The following A2M variants were observed in gnomAD, a reference collection of about 807,000 sequenced individuals.
The protein encoded by A2M is C3 and PZP-like alpha-2-macroglobulin domain-containing protein 5.
Under a neutral mutation model 183.9 loss-of-function variants are expected in A2M, and 128 were observed. That is an observed-to-expected ratio of 0.70 (90% CI 0.60 to 0.81). The LOEUF is 0.81. A2M is among the 30% of genes least tolerant of loss of function. The pLI is 0.00. For synonymous variants in A2M, 592 were observed against 670.8 expected (o/e 0.88, Z 1.81); for missense variants, 1,495 against 1,787.6 (o/e 0.84, Z 2.95).
At position 9,094,987 on chromosome 12, in the gene A2M, CG is replaced by C; in HGVS notation, c.2110del (p.Arg704ValfsTer2). The stretch of plus-strand genomic sequence containing the variant: ...TTTTTGTTTACCATAAAAACCTACA[CG>C]TAGACCTTCAGGTCCATGCATTTCA... ...QYEMHGPEGLRVGFYESDVMG... is the reference protein window; with the variant it reads ...QYEMHGPEGLXVGFYESDVMG... On this transcript the variant is annotated frameshift_variant, in exon 17 of 36. Transcript: ENST00000318602. LOFTEE classifies it high-confidence loss of function. 2 of 1,562,758 alleles carry C rather than the reference CG, an allele frequency of 1.3e-6. No individual in the cohort carries two copies. The highest frequency in any genetic ancestry group is 1.7e-6 in the Non-Finnish European group (2 of 1,153,308).
chr12:9,101,292 C>T (rs1937825867), intron 12 of A2M, 85 bp from the exon 13 acceptor site: 2 of 1,430,804 alleles, frequency 1.4e-6, no homozygotes, highest in African/African-American at 1.4e-5. Context: ...TTTATTGAGT[C>T]CCTGCCGGCA....
chr12:9,070,643 T>TC, intron 31 of A2M, 65 bp from the exon 32 acceptor site: 1 of 1,137,482 alleles, frequency 8.8e-7, no homozygotes, highest in South Asian at 1.4e-5. Context: ...TTCTTCTATG[T>TC]CCATGTTAAG....
chr12:9,098,463 T>A, intron 15 of A2M, 144 bp downstream of exon 15: 1 of 706,872 alleles, frequency 1.4e-6, no homozygotes, highest in South Asian at 3.6e-5. Context: ...TCCTTACCAA[T>A]GAAAGCCCAC....
Position 9,079,406 on chromosome 12 carries a change from CT to C in A2M, c.3032-76del, listed in dbSNP as rs1948840628. ...AGGGTGGAGAAATTACTAAAAGTAC[CT>C]TGGCTTCTCTTGTGACATTTCTTAA... On this transcript the variant is annotated intron_variant, in intron 24 of 35. Coordinates refer to ENST00000318602, the MANE Select transcript of A2M (RefSeq NM_000014.6). 52 of 1,399,168 alleles carry C rather than the reference CT, an allele frequency of 3.7e-5. No homozygotes were observed. In the South Asian group the frequency reaches 5.9e-4, roughly 16 times the overall value. The allele number at this position is 1,399,168 out of a possible 1,614,324, so 86.7% of individuals were successfully genotyped here.
intron 22 of A2M, among the ~76,000 whole-genome samples, chr12:9,081,394 A>T (rs988997975): frequency 6.6e-6 from 1 of 152,208 alleles, no homozygotes; most frequent in African/African-American, 2.4e-5. Context: ...GCATTTAGGT[A>T]ATAAAGAGGA....
Position 9,070,587 on chromosome 12 carries a change from C to A in A2M, c.4104-9G>T, listed in dbSNP as rs1176432690. On this transcript the variant is annotated splice_polypyrimidine_tract_variant and intron_variant, in intron 31 of 35. Coordinates refer to ENST00000318602, the MANE Select transcript of A2M (RefSeq NM_000014.6). The stretch of plus-strand genomic sequence containing the variant: ...AGCGGCTCCCTGTGTAACTGAGGAT[C>A]CAGGGGAGGAAAGGATTAGGGTTTT... 3.7e-6 allele frequency: 6 copies of A among 1,600,118 alleles called. No homozygotes were observed. Among genetic ancestry groups the A allele is most frequent in the Non-Finnish European group, 5.1e-6 (6 of 1,168,930 alleles).
chr12:9,090,163 G>A (rs1026654855), intron 20 of A2M, 140 bp from the exon 21 acceptor site: 6 of 1,368,676 alleles, frequency 4.4e-6, no homozygotes, highest in Non-Finnish European at 5.0e-6. Context: ...ATGCAAATGA[G>A]AGGTGAATGA....
intron 8 of A2M, among the ~76,000 whole-genome samples, chr12:9,107,276 G>C (rs1938365644): frequency 6.6e-6 from 1 of 152,146 alleles, no homozygotes; most frequent in Admixed American, 6.5e-5. Context: ...TTCCTTTGTA[G>C]AAGTGAATGC....
In A2M at chr12:9,109,423, AG is replaced by A. The variant is rs748329294; in HGVS notation, c.674-19del. The A allele has an allele frequency of 5.9e-5, 94 of 1,598,382 alleles. No individual in the cohort carries two copies. The Admixed American group carries it at 7.0e-4, about 12-fold the overall frequency. ...GGGAAGAACTGTTGATTGGTGATAAAGAAGGTTGGTGATTGGTTTTCAACTT... is the reference window on the plus strand; with the variant it reads ...GGGAAGAACTGTTGATTGGTGATAAAAAGGTTGGTGATTGGTTTTCAACTT... On this transcript the variant is annotated intron_variant, in intron 6 of 35. Coordinates refer to ENST00000318602, the MANE Select transcript of A2M (RefSeq NM_000014.6).
At chr12:9,093,233 TTAGGTGTGCTTGCTATGCACACAAAAA>T (rs1457010229) in intron 18 of A2M, among the ~76,000 whole-genome samples, 1 of 152,152 alleles carries the variant, frequency 6.6e-6, no homozygotes, top group East Asian at 1.9e-4. Context: ...AGGATAGATT[TTAGGTGTGCTTGCTATGCACACAAAAA>T]TAGGTAACAA....
Position 9,070,573 on chromosome 12 carries a change from G to A in A2M, c.4109C>T (p.Thr1370Ile). 6.2e-7 allele frequency: 1 copy of A among 1,611,758 alleles called. No homozygotes were observed. Among genetic ancestry groups the A allele is most frequent in the Non-Finnish European group, 8.5e-7 (1 of 1,178,356 alleles). Residue 1370 changes from threonine to isoleucine, a missense_variant, in exon 32 of 36, where the codon ACA becomes ATA. Coordinates refer to ENST00000318602, the MANE Select transcript of A2M (RefSeq NM_000014.6). ...CATGTTGGAGGCAGAGCGGCTCCCT[G>A]TGTAACTGAGGATCCAGGGGAGGAA... ...SFQISLSVSYTGSRSASNMAI... is the reference protein window; with the variant it reads ...SFQISLSVSYIGSRSASNMAI...
At position 9,095,917 on chromosome 12, in the gene A2M, G is replaced by A. The variant is rs532493145; in HGVS notation, c.1852-217C>T. Among the ~76,000 whole-genome samples the A allele has an allele frequency of 9.2e-3, 1,390 of 150,878 alleles. 20 individuals are homozygous for A. Among genetic ancestry groups the A allele is most frequent in the African/African-American group, 0.032 (1,318 of 41,064 alleles). On this transcript the variant is annotated intron_variant, in intron 15 of 35. Transcript: ENST00000318602. ...TGGGACTACAGGCGCCCGCCACCGC[G>A]CCCGGCTAATTTTTTGTATTTTTAG...
In A2M at chr12:9,083,773, AGGG is replaced by A. The variant is rs1948978355; in HGVS notation, c.2771-3599_2771-3597del. Among the ~76,000 whole-genome samples, 3 of 151,286 alleles carry A rather than the reference AGGG, an allele frequency of 2.0e-5. No homozygotes were observed. In the South Asian group the frequency reaches 6.2e-4, roughly 31 times the overall value. On this transcript the variant is annotated intron_variant, in intron 22 of 35. Transcript: ENST00000318602. The stretch of plus-strand genomic sequence containing the variant: ...GAATCAGAAAAAAAAAAAAGCAGTA[AGGG>A]CTGAAAACTTCCCTAATTAGGGGAT...
At position 9,095,805 on chromosome 12, in the gene A2M, C is replaced by T. The variant is rs763752495; in HGVS notation, c.1852-105G>A. On this transcript the variant is annotated intron_variant, in intron 15 of 35. Transcript: ENST00000318602. ...TCTCGCTCTGTCGCCCAGGCCGGACCGCGGACTGCAGTGGCGCAATCTCGG... is the reference window on the plus strand; with the variant it reads ...TCTCGCTCTGTCGCCCAGGCCGGACTGCGGACTGCAGTGGCGCAATCTCGG... 3.7e-4 allele frequency: 374 copies of T among 1,000,400 alleles called. 1 individual carries two copies. The African/African-American group carries it at 6.2e-3, about 17-fold the overall frequency. 62.0% of individuals were successfully genotyped at this position (1,000,400 alleles called of 1,614,324 possible).
At chr12:9,098,405 T>G (rs775219217) in intron 15 of A2M, 17 of 311,028 alleles carry the variant, frequency 5.5e-5, no homozygotes, top group Admixed American at 1.5e-4. Context: ...ATTTTGTTTA[T>G]TTTTTTAACT....
At chr12:9,069,258 C>G (rs989300217) in intron 33 of A2M, among the ~76,000 whole-genome samples, 1 of 152,168 alleles carries the variant, frequency 6.6e-6, no homozygotes, top group African/African-American at 2.4e-5. Context: ...AACTATAATT[C>G]CCATCAACTT....
intron 24 of A2M, 66 bp downstream of exon 24, chr12:9,079,573 T>A (rs1221093719): frequency 6.8e-7 from 1 of 1,469,008 alleles, no homozygotes; most frequent in Non-Finnish European, 9.4e-7. Context: ...CATAAGTAAC[T>A]GAAACCTACT....
intron 10 of A2M, 30 bp downstream of exon 10, chr12:9,106,206 G>T: frequency 2.2e-6 from 3 of 1,333,878 alleles, no homozygotes; most frequent in Non-Finnish European, 3.2e-6. Flanking sequence ...ACAGTACATG[G>T]GTTGATGAGT....
intron 22 of A2M, among the ~76,000 whole-genome samples, chr12:9,084,953 TA>T (rs770482199): frequency 6.9e-4 from 105 of 152,212 alleles, no homozygotes; most frequent in East Asian, 9.6e-4. Flanking sequence ...TATATAATGA[TA>T]AAAGGGTCAA....
Sources: gnomAD v4.1 joint callset for allele counts (sites outside exome capture counted in the v4.1 genomes callset) on GRCh38, gnomAD v4.1.1 for gene constraint, MANE v1.5 for transcripts, NCBI Gene and HGNC (gene_info 2026-07-23, HGNC 2026-07-21) for gene names.